TAPT1: variants seen among roughly 807,000 people sequenced by gnomAD.
The protein encoded by TAPT1 is transmembrane anterior posterior transformation protein 1 homolog.
TAPT1 carries 28 observed loss-of-function variants against 65.6 expected under a neutral mutation model. The ratio of observed to expected loss-of-function variants is 0.43; its 90% confidence interval spans 0.32 to 0.59. The LOEUF (loss-of-function observed/expected upper bound fraction) is 0.59, where lower values mean the gene tolerates loss of function less well. Among genes scored for constraint, TAPT1 ranks in the 20% least tolerant of loss-of-function variants. TAPT1 has a pLI of 0.09. For synonymous variants in TAPT1, 278 were observed against 245.2 expected (o/e 1.13, Z -1.25); for missense variants, 563 against 679.9 (o/e 0.83, Z 1.91).
intron 1 of TAPT1, among the ~76,000 whole-genome samples, chr4:16,219,681 G>A (rs1160472524): frequency 6.6e-6 from 1 of 152,128 alleles, no homozygotes. Context: ...ATAGTATAAG[G>A]CAGTTTACAA....
At chr4:16,168,869 C>A (rs1662652) in intron 12 of TAPT1, among the ~76,000 whole-genome samples, 29,916 of 152,186 alleles carry the variant, frequency 0.2, 3,054 homozygotes, top group East Asian at 0.3. Context: ...AGAGCAGTAA[C>A]GGCAGAGGCT....
At chr4:16,212,659 G>A (rs1750714120) in intron 2 of TAPT1, among the ~76,000 whole-genome samples, 1 of 152,148 alleles carries the variant, frequency 6.6e-6, no homozygotes, top group African/African-American at 2.4e-5. Context: ...TAGAAATGCA[G>A]GAATACAGTA....
At position 16,207,725 on chromosome 4, in the gene TAPT1, C is replaced by T. The variant is rs544523887; in HGVS notation, c.331-5145G>A. On this transcript the variant is annotated intron_variant, in intron 2 of 13. Transcript: ENST00000405303. ...ATAATTCCCCTGTATGACAGTAACC[C>T]TTCCCCCTTTCAACAATAATAGTCT... Among the ~76,000 whole-genome samples the T allele has an allele frequency of 3.3e-5, 5 of 152,324 alleles. No individual in the cohort carries two copies. The South Asian group carries it at 1.0e-3, about 32-fold the overall frequency.
chr4:16,216,872 T>C (rs369236806), intron 1 of TAPT1, among the ~76,000 whole-genome samples: 7 of 152,172 alleles, frequency 4.6e-5, no homozygotes, highest in African/African-American at 1.2e-4. Flanking sequence ...AACCCTTCAG[T>C]GGTTCTTCAT....
intron 4 of TAPT1, 49 bp from the exon 5 acceptor site, chr4:16,188,404 T>C: frequency 7.2e-7 from 1 of 1,387,680 alleles, no homozygotes. Context: ...TCCATTTAAA[T>C]ATATAACTAA....
At chr4:16,168,307 G>A (rs1163055028) in intron 12 of TAPT1, among the ~76,000 whole-genome samples, 33 of 151,966 alleles carry the variant, frequency 2.2e-4, no homozygotes, top group Non-Finnish European at 4.3e-4. Context: ...ATGGGGTCTT[G>A]CTATGTTGCC....
chr4:16,192,480 A>G (rs1749433032), intron 3 of TAPT1, among the ~76,000 whole-genome samples: 1 of 152,192 alleles, frequency 6.6e-6, no homozygotes, highest in Admixed American at 6.5e-5. Flanking sequence ...TTCAGTTGAA[A>G]TATTTTTTTC....
chr4:16,190,465 A>G (rs1036647109), intron 4 of TAPT1: 26 of 152,102 alleles, frequency 1.7e-4, no homozygotes, highest in Admixed American at 1.6e-3. Context: ...CAGCCTCCCA[A>G]GTAGCTGGGA....
At chr4:16,227,238 C>T (rs750111716), upstream of TAPT1, 22 of 455,364 alleles carry the variant, frequency 4.8e-5, no homozygotes, top group South Asian at 1.6e-5. Flanking sequence ...GCTGGCGCGC[C>T]GGCGGACTTT....
intron 1 of TAPT1, 183 bp downstream of exon 1, chr4:16,226,076 G>A (rs1365996271): frequency 9.8e-6 from 10 of 1,022,702 alleles, no homozygotes; most frequent in East Asian, 9.3e-5. Flanking sequence ...ACCCGCCCGA[G>A]GAACTGTCAA....
chr4:16,190,478 A>ACAGGCACGCGCCAC (rs1749305228), intron 4 of TAPT1: 1 of 152,178 alleles, frequency 6.6e-6, no homozygotes, highest in African/African-American at 2.4e-5. Context: ...AGCTGGGATT[A>ACAGGCACGCGCCAC]CAGGCACGCG....
chr4:16,196,781 G>C (rs1321978393), intron 3 of TAPT1: 2 of 916,238 alleles, frequency 2.2e-6, no homozygotes. Context: ...GCTACTTAGA[G>C]CTCCATGGTG....
At chr4:16,185,367 G>GT (rs1351029869) in intron 7 of TAPT1, among the ~76,000 whole-genome samples, 1 of 150,998 alleles carries the variant, frequency 6.6e-6, no homozygotes, top group African/African-American at 2.4e-5. Flanking sequence ...TGGAATCATC[G>GT]TAATTTTTTT....
At chr4:16,165,545 G>C (rs1289226072) in intron 13 of TAPT1, among the ~76,000 whole-genome samples, 1 of 149,952 alleles carries the variant, frequency 6.7e-6, no homozygotes, top group Non-Finnish European at 1.5e-5. Flanking sequence ...ACTCCAGCCT[G>C]GGCGACGGAG....
intron 3 of TAPT1, among the ~76,000 whole-genome samples, chr4:16,197,741 T>C (rs1286027264): frequency 2.6e-5 from 4 of 152,206 alleles, no homozygotes; most frequent in East Asian, 1.9e-4. Flanking sequence ...AAGATTATCC[T>C]CGTTCAAGAA....
At chr4:16,218,000 T>G (rs960120358) in intron 1 of TAPT1, among the ~76,000 whole-genome samples, 2 of 152,168 alleles carry the variant, frequency 1.3e-5, no homozygotes, top group African/African-American at 4.8e-5. Context: ...CCACACTAAG[T>G]GCAAGGAAAG....
Position 16,161,135 on chromosome 4 carries a change from A to G in TAPT1, c.*2173T>C, listed in dbSNP as rs1336666390. The G allele has an allele frequency of 6.6e-6, 1 of 152,654 alleles. No individual in the cohort carries two copies. Among genetic ancestry groups the G allele is most frequent in the Non-Finnish European group, 1.5e-5 (1 of 68,036 alleles). The allele number at this position is 152,654 out of a possible 1,614,324, so 9.5% of individuals were successfully genotyped here. A position where few individuals can be genotyped will look rare whatever the true frequency, so the allele number is the denominator to read the frequency against. Reference sequence around the variant, plus strand: ...ATCAAGGCCGAGCCTATTTTTTCCAAAGACAAAATTAAACATTTTGCCACC... The same window carrying G: ...ATCAAGGCCGAGCCTATTTTTTCCAGAGACAAAATTAAACATTTTGCCACC... On this transcript the variant is annotated 3_prime_UTR_variant, in exon 14 of 14. Transcript: ENST00000405303.
At chr4:16,206,049 T>A (rs77913859) in intron 2 of TAPT1, among the ~76,000 whole-genome samples, 1 of 152,148 alleles carries the variant, frequency 6.6e-6, no homozygotes, top group Non-Finnish European at 1.5e-5. Flanking sequence ...AGGATATCAA[T>A]AAGAAAACTA....
At position 16,203,345 on chromosome 4, in the gene TAPT1, C is replaced by T. The variant is rs116795998; in HGVS notation, c.331-765G>A. On this transcript the variant is annotated intron_variant, in intron 2 of 13. Transcript: ENST00000405303. ...CCATGTATCTTTAGTCAATAAATTG[C>T]CCTGCCTCCACAGATTAAAATTCAT... Among the ~76,000 whole-genome samples the T allele has an allele frequency of 3.9e-3, 591 of 152,250 alleles. 5 individuals carry two copies. The highest frequency in any genetic ancestry group is 0.012 in the African/African-American group (511 of 41,520).
Sources: allele counts gnomAD v4.1 joint callset (sites outside exome capture counted in the v4.1 genomes callset), GRCh38; gene constraint gnomAD v4.1.1; transcripts MANE v1.5; gene names NCBI Gene and HGNC (gene_info 2026-07-23, HGNC 2026-07-21).